The following GPS1 variants were observed in gnomAD, a reference collection of about 807,000 sequenced individuals.
GPS1 encodes G protein pathway suppressor 1, also known as COP9 signalosome complex subunit 1.
Under a neutral mutation model 60.0 loss-of-function variants are expected in GPS1, and 11 were observed. The ratio of observed to expected loss-of-function variants is 0.18; its 90% CI spans 0.12 to 0.30. The LOEUF is 0.30. Ranked by LOEUF, GPS1 falls within the 10% of genes least tolerant of loss-of-function variation. GPS1 has a pLI of 1.00. For synonymous variants in GPS1, 343 were observed against 269.8 expected, an observed-to-expected ratio of 1.27 and a Z score of -2.66; for missense variants, 543 against 669.2, an observed-to-expected ratio of 0.81 and a Z score of 2.08.
chr17:82,057,221 T>C lies in GPS1; in HGVS notation c.*94T>C, dbSNP rs766382520. ...GGCTCAGTGCTGCCTGCGGCCCAGCTAAGGGGCCTGGCCACTGGGTGCCAC... is the reference window on the plus strand; with the variant it reads ...GGCTCAGTGCTGCCTGCGGCCCAGCCAAGGGGCCTGGCCACTGGGTGCCAC... On this transcript the variant is annotated 3_prime_UTR_variant, in exon 13 of 13. Transcript: ENST00000578552. 1 of 1,509,054 alleles carries C rather than the reference T, an allele frequency of 6.6e-7. No individual in the cohort carries two copies. Among genetic ancestry groups the C allele is most frequent in the Non-Finnish European group, 9.1e-7 (1 of 1,094,232 alleles). The allele number at this position is 1,509,054 out of a possible 1,614,324, so 93.5% of individuals were successfully genotyped here. A position where few individuals can be genotyped will look rare whatever the true frequency, so the allele number is the denominator to read the frequency against.
At chr17:82,051,589 C>A, upstream of GPS1, 2 of 1,311,152 alleles carry the variant, frequency 1.5e-6, no homozygotes, top group South Asian at 1.9e-5. This position sits in a 1 kb window ranked among gnomAD's most constrained non-coding sequence, Gnocchi z 4.1. Context: ...GCGATGAAGA[C>A]GTCGTCAGGC....
At chr17:82,053,440 C>T in intron 2 of GPS1, 74 bp downstream of exon 2, 5 of 1,065,644 alleles carry the variant, frequency 4.7e-6, no homozygotes, top group Non-Finnish European at 6.4e-6. Context: ...CCCGCTGCAG[C>T]CTGCACAGCA....
At chr17:82,051,809 C>A, upstream of GPS1, 1 of 1,132,978 alleles carries the variant, frequency 8.8e-7, no homozygotes. This position sits in a 1 kb window ranked among gnomAD's most constrained non-coding sequence, Gnocchi z 4.1. Flanking sequence ...AGAACCTGGC[C>A]GGAGCCGTGG....
At chr17:82,057,000 C>G in intron 12 of GPS1, 26 bp downstream of exon 12, 1 of 1,612,086 alleles carries the variant, frequency 6.2e-7, no homozygotes, top group Non-Finnish European at 8.5e-7. Context: ...GGGGGGCAGG[C>G]GCACGGCGTG....
chr17:82,052,370 C>T (rs1459148199), intron 1 of GPS1: 11 of 1,612,490 alleles, frequency 6.8e-6, no homozygotes, highest in Non-Finnish European at 9.3e-6. Context: ...CTGCACCCCT[C>T]ACAGCAGTAG....
chr17:82,051,417 C>T, upstream of GPS1: 2 of 1,390,904 alleles, frequency 1.4e-6, no homozygotes, highest in Non-Finnish European at 1.9e-6. This position sits in a 1 kb window ranked among gnomAD's most constrained non-coding sequence, Gnocchi z 4.1. Context: ...CGCGGAGCCT[C>T]CGGGGGCCTG....
chr17:82,054,824 G>A lies in GPS1; in HGVS notation c.609+14G>A, dbSNP rs770816362. 19 of 1,581,040 alleles carry A rather than the reference G, an allele frequency of 1.2e-5. No individual in the cohort carries two copies. The highest frequency in any genetic ancestry group is 1.7e-4 in the Middle Eastern group (1 of 5,960). ...AATGTCATCAAGGTCGGCCTGCCTCGGCGGGCGGGGGTGGGCAGCATGGCT... is the reference window on the plus strand; with the variant it reads ...AATGTCATCAAGGTCGGCCTGCCTCAGCGGGCGGGGGTGGGCAGCATGGCT... On this transcript the variant is annotated intron_variant, in intron 4 of 12. Coordinates refer to ENST00000578552, the MANE Select transcript of GPS1 (RefSeq NM_001321092.3).
At chr17:82,053,532 G>A (rs2031629261) in intron 2 of GPS1, 166 bp downstream of exon 2, 1 of 542,572 alleles carries the variant, frequency 1.8e-6, no homozygotes, top group Non-Finnish European at 3.1e-6. Flanking sequence ...GCACTCACAT[G>A]AGGCTTGTAG....
chr17:82,050,977 T>C (rs2030454573), upstream of GPS1: 4 of 1,427,562 alleles, frequency 2.8e-6, no homozygotes, highest in Admixed American at 5.8e-5. Flanking sequence ...TGGGATCTCT[T>C]GAGTGGAAAC....
rs759719550 is a variant in GPS1, at chr17:82,056,977, G to A, written c.1389+3G>A. The stretch of plus-strand genomic sequence containing the variant: ...TCCGCAACCAGATCCATGTCAAGGT[G>A]GGCTGGCTTGAGGGGGGGCAGGCGC... On this transcript the variant is annotated splice_donor_region_variant and intron_variant, in intron 12 of 12. Transcript: ENST00000578552. 1 of 1,612,824 alleles carries A rather than the reference G, an allele frequency of 6.2e-7. No individual in the cohort carries two copies. The highest frequency in any genetic ancestry group is 1.7e-5 in the Admixed American group (1 of 60,020).
At chr17:82,055,962 G>A in intron 7 of GPS1, 39 bp from the exon 8 acceptor site, 1 of 1,501,764 alleles carries the variant, frequency 6.7e-7, no homozygotes, top group Non-Finnish European at 9.3e-7. Flanking sequence ...GGGTGGCCTG[G>A]CCCTTCACTG....
At position 82,057,258 on chromosome 17, in the gene GPS1, G is replaced by GC. The variant is rs1179222774; in HGVS notation, c.*134dup. On this transcript the variant is annotated 3_prime_UTR_variant, in exon 13 of 13. Coordinates refer to ENST00000578552, the MANE Select transcript of GPS1 (RefSeq NM_001321092.3). ...CCACTGGGTGCCACCCAGCCTGTGT[G>GC]CCCTCCCTGGGGCTGAGGAGGCAGG... The GC allele has an allele frequency of 1.7e-6, 2 of 1,209,110 alleles. No individual in the cohort carries two copies. The highest frequency in any genetic ancestry group is 3.0e-5 in the African/African-American group (2 of 66,570). 74.9% of individuals were successfully genotyped at this position (1,209,110 alleles called of 1,614,324 possible).
upstream of GPS1, chr17:82,051,593 G>A (rs1015473605): frequency 4.6e-6 from 6 of 1,306,602 alleles, no homozygotes; most frequent in Non-Finnish European, 5.8e-6. This position sits in a 1 kb window ranked among gnomAD's most constrained non-coding sequence, Gnocchi z 4.1. Context: ...TGAAGACGTC[G>A]TCAGGCCGCA....
At chr17:82,051,860 GC>G (rs1048444346), upstream of GPS1, 3 of 1,150,402 alleles carry the variant, frequency 2.6e-6, no homozygotes, top group African/African-American at 3.3e-5. This position sits in a 1 kb window ranked among gnomAD's most constrained non-coding sequence, Gnocchi z 4.1. Context: ...GCCCCGCCCC[GC>G]CCCGCGCCCC....
rs772091376 is a variant in GPS1 at position 82,055,703 on chromosome 17, CCT to C, written c.749-33_749-32del. 86 of 1,365,564 alleles carry C rather than the reference CCT, an allele frequency of 6.3e-5. 1 individual carries two copies. The highest frequency in any genetic ancestry group is 2.0e-4 in the South Asian group (16 of 80,228). 84.6% of individuals were successfully genotyped at this position (1,365,564 alleles called of 1,614,324 possible). A position where few individuals can be genotyped will look rare whatever the true frequency, so the allele number is the denominator to read the frequency against. ...TTCCCCAGGCTCTGGGGTCTTACCC[CCT>C]CTCCCCCCTCCCCGCCCCCGGCTCC... On this transcript the variant is annotated intron_variant, in intron 6 of 12. Coordinates refer to ENST00000578552, the MANE Select transcript of GPS1 (RefSeq NM_001321092.3).
At chr17:82,054,109 G>A (rs1226931698) in intron 3 of GPS1, 60 bp downstream of exon 3, 1 of 1,512,996 alleles carries the variant, frequency 6.6e-7, no homozygotes, top group East Asian at 2.4e-5. Flanking sequence ...GGGTGTCTGG[G>A]ACTGGGCCCC....
At position 82,056,384 on chromosome 17, in the gene GPS1, A is replaced by C. The variant is rs1237496801; in HGVS notation, c.1028A>C (p.Glu343Ala). 6.2e-7 allele frequency: 1 copy of C among 1,611,868 alleles called. No homozygotes were observed. The highest frequency in any genetic ancestry group is 1.3e-5 in the African/African-American group (1 of 74,518). Residue 343 changes from glutamate to alanine, a missense_variant, in exon 9 of 13, where the codon GAG becomes GCG. By Grantham distance (107) the Glu-to-Ala change is moderately radical (BLOSUM62 -1). This residue lies in a region of GPS1 where 291 missense variants were observed against 353.7 expected (regional missense o/e 0.82). Transcript: ENST00000578552. The part of the protein sequence containing the change: ...KYASCLKMLD[E>A]MKDNLLLDMY... ...GCCTCATGTCTCAAGATGCTGGACG[A>C]GATGAAGGTGGGCCCCGCCTGGGGT...
chr17:82,051,861 C>T, upstream of GPS1: 2 of 1,153,114 alleles, frequency 1.7e-6, no homozygotes, highest in Non-Finnish European at 2.1e-6. This position sits in a 1 kb window ranked among gnomAD's most constrained non-coding sequence, Gnocchi z 4.1. Context: ...CCCCGCCCCG[C>T]CCCGCGCCCC....
rs750992483 is a variant in GPS1, at chr17:82,054,801, T to C, written c.600T>C (p.Asn200=). 9.4e-6 allele frequency: 15 copies of C among 1,599,998 alleles called. No individual in the cohort carries two copies. The highest frequency in any genetic ancestry group is 2.7e-5 in the African/African-American group (2 of 74,688). ...SAKHVINMCL[N]VIKVSVYLQN... is the part of the protein sequence containing the mutation. The stretch of plus-strand genomic sequence containing the variant: ...AACACGTCATCAACATGTGCCTCAA[T>C]GTCATCAAGGTCGGCCTGCCTCGGC... Residue 200 remains asparagine, a synonymous_variant, in exon 4 of 13, where the codon AAT becomes AAC. Transcript: ENST00000578552.
Sources: allele counts gnomAD v4.1 joint callset, GRCh38; gene constraint gnomAD v4.1.1; regional missense constraint gnomAD v4.1.1; non-coding constraint Gnocchi (gnomAD v3.1); transcripts MANE v1.5; gene names NCBI Gene and HGNC (gene_info 2026-07-23, HGNC 2026-07-21).